Variants in COL22A1 observed in about 807,000 individuals in gnomAD.
The protein encoded by COL22A1 is collagen type XXII alpha 1 chain.
Under a neutral mutation model 248.9 loss-of-function variants are expected in COL22A1, and 221 were observed. The ratio of observed to expected loss-of-function variants is 0.89; its 90% CI spans 0.80 to 0.99. The LOEUF (loss-of-function observed/expected upper bound fraction) is 0.99, where lower values mean the gene tolerates loss of function less well. Among genes scored for constraint, COL22A1 ranks in the 50% least tolerant of loss-of-function variants. COL22A1 has a pLI of 0.00. For missense variants in COL22A1, 2,240 were observed against 2,179.0 expected (o/e 1.03, Z -0.56); for synonymous variants, 891 against 793.4 (o/e 1.12, Z -2.07).
intron 12 of COL22A1, among the ~76,000 whole-genome samples, chr8:138,782,228 C>A (rs974003068): frequency 6.6e-5 from 10 of 152,296 alleles, no homozygotes; most frequent in African/African-American, 2.2e-4. Context: ...GCTGTGAGAC[C>A]TTTTCTTTGA....
intron 22 of COL22A1, among the ~76,000 whole-genome samples, chr8:138,743,012 G>A (rs111206266): frequency 0.011 from 1,603 of 150,916 alleles, 44 homozygotes; most frequent in African/African-American, 0.037. Context: ...GATGGTAGTA[G>A]TGATTGTGAT....
chr8:138,596,567 G>A (rs1212874004), intron 62 of COL22A1, among the ~76,000 whole-genome samples: 1 of 152,166 alleles, frequency 6.6e-6, no homozygotes, highest in Non-Finnish European at 1.5e-5. Flanking sequence ...AGTTTCATGA[G>A]GCTCATAGCA....
chr8:138,600,356 G>T (rs1817899279), intron 60 of COL22A1, among the ~76,000 whole-genome samples: 1 of 152,196 alleles, frequency 6.6e-6, no homozygotes, highest in African/African-American at 2.4e-5. Flanking sequence ...GCATGGCTGA[G>T]AACGTGACCC....
chr8:138,811,711 C>G, intron 9 of COL22A1, 88 bp downstream of exon 9: 2 of 1,526,136 alleles, frequency 1.3e-6, no homozygotes, highest in Admixed American at 1.7e-5. Context: ...TGGTGCCCCC[C>G]TGACCTGAAA....
At chr8:138,775,694 T>C (rs1814380297) in intron 16 of COL22A1, among the ~76,000 whole-genome samples, 1 of 152,176 alleles carries the variant, frequency 6.6e-6, no homozygotes, top group Non-Finnish European at 1.5e-5. Context: ...AAACTCCGCC[T>C]TGGTGCAGAG....
intron 45 of COL22A1, among the ~76,000 whole-genome samples, chr8:138,651,936 A>T (rs1431774467): frequency 6.6e-6 from 1 of 152,232 alleles, no homozygotes; most frequent in Non-Finnish European, 1.5e-5. Flanking sequence ...AGGGCTCTCA[A>T]CCTGGGCCTG....
chr8:138,774,864 A>T (rs1388397176), intron 16 of COL22A1, among the ~76,000 whole-genome samples: 2 of 152,202 alleles, frequency 1.3e-5, no homozygotes, highest in Non-Finnish European at 2.9e-5. Flanking sequence ...CAGCACGGAG[A>T]AAACGCTGCA....
At chr8:138,637,306 G>T (rs1821276144) in intron 47 of COL22A1, among the ~76,000 whole-genome samples, 1 of 152,086 alleles carries the variant, frequency 6.6e-6, no homozygotes, top group Admixed American at 6.6e-5. Context: ...TGAGGGAGAA[G>T]GAGAAGTTTA....
intron 3 of COL22A1, among the ~76,000 whole-genome samples, chr8:138,873,104 G>C (rs1478725028): frequency 6.6e-6 from 1 of 152,132 alleles, no homozygotes; most frequent in Admixed American, 6.5e-5. Flanking sequence ...TTAGGCAGTA[G>C]GTTCCGACAA....
At chr8:138,758,486 A>T (rs1264759642) in intron 18 of COL22A1, among the ~76,000 whole-genome samples, 8 of 152,226 alleles carry the variant, frequency 5.3e-5, no homozygotes, top group African/African-American at 1.9e-4. Flanking sequence ...TGATATTTAG[A>T]TCTGCAGTAA....
rs560408327 is a variant in COL22A1 at position 138,644,400 on chromosome 8, C to T, written c.3501+2229G>A. Among the ~76,000 whole-genome samples, 218 of 152,170 alleles carry T rather than the reference C, an allele frequency of 1.4e-3. 1 individual carries two copies. The highest frequency in any genetic ancestry group is 4.8e-3 in the African/African-American group (201 of 41,528). On this transcript the variant is annotated intron_variant, in intron 47 of 64. Coordinates refer to ENST00000303045, the MANE Select transcript of COL22A1 (RefSeq NM_152888.3). ...AATATGCGGCTGCCACCACTGTGAC[C>T]GTAAGGGCTAAAAAAGCTAATGTCA...
intron 30 of COL22A1, among the ~76,000 whole-genome samples, chr8:138,709,513 C>G (rs2131040927): frequency 6.6e-6 from 1 of 151,998 alleles, no homozygotes; most frequent in African/African-American, 2.4e-5. Context: ...TGGAAATCAT[C>G]ATTCTTAGCA....
chr8:138,855,876 G>A (rs532955129), intron 3 of COL22A1, among the ~76,000 whole-genome samples: 2 of 152,188 alleles, frequency 1.3e-5, no homozygotes, highest in Non-Finnish European at 2.9e-5. Context: ...CACTGTCAAC[G>A]GTGTAGGACA....
intron 14 of COL22A1, among the ~76,000 whole-genome samples, 199 bp from the exon 15 acceptor site, chr8:138,778,605 G>C (rs932966542): frequency 6.6e-6 from 1 of 152,154 alleles, no homozygotes; most frequent in Non-Finnish European, 1.5e-5. Flanking sequence ...TAGAAGTCAT[G>C]CCATCTGCTG....
chr8:138,596,885 A>G lies in COL22A1; in HGVS notation c.4432+19T>C, dbSNP rs769471025. ...CTGGGCTCTTCTCTGCAAGACCGTA[A>G]CACAGTCCAGATACTCACTTTCAAG... On this transcript the variant is annotated intron_variant, in intron 62 of 64. Coordinates refer to ENST00000303045, the MANE Select transcript of COL22A1 (RefSeq NM_152888.3). 1 of 1,612,654 alleles carries G rather than the reference A, an allele frequency of 6.2e-7. No individual in the cohort carries two copies. The highest frequency in any genetic ancestry group is 8.5e-7 in the Non-Finnish European group (1 of 1,178,782).
chr8:138,745,333 A>G (rs1486632303), intron 22 of COL22A1, among the ~76,000 whole-genome samples: 1 of 151,996 alleles, frequency 6.6e-6, no homozygotes, highest in Non-Finnish European at 1.5e-5. Flanking sequence ...GTGGAAGGTG[A>G]GAACCCAGGT....
chr8:138,907,993 C>T (rs566285371), intron 1 of COL22A1, among the ~76,000 whole-genome samples: 71 of 152,268 alleles, frequency 4.7e-4, no homozygotes, highest in African/African-American at 1.6e-3. Flanking sequence ...ACACTCAAAT[C>T]GTAACACCTG....
At chr8:138,675,150 T>C (rs1246972283) in intron 41 of COL22A1, among the ~76,000 whole-genome samples, 1 of 152,092 alleles carries the variant, frequency 6.6e-6, no homozygotes, top group Non-Finnish European at 1.5e-5. Flanking sequence ...TGTGAGTGGG[T>C]AGAAATAACA....
intron 1 of COL22A1, among the ~76,000 whole-genome samples, chr8:138,912,466 C>T (rs1406347385): frequency 1.3e-5 from 2 of 152,162 alleles, no homozygotes; most frequent in Admixed American, 6.5e-5. Flanking sequence ...TGGGCCCAGG[C>T]GTGGTGGCTC....
Sources: gnomAD v4.1 joint callset for allele counts (sites outside exome capture counted in the v4.1 genomes callset) on GRCh38, gnomAD v4.1.1 for gene constraint, MANE v1.5 for transcripts, NCBI Gene and HGNC (gene_info 2026-07-23, HGNC 2026-07-21) for gene names.